Variants in ATAD3B observed in about 807,000 individuals in gnomAD.
ATAD3B encodes the protein ATPase family AAA domain-containing protein 3B.
In ATAD3B, 59 loss-of-function variants were observed where a neutral mutation model predicts 70.2. The ratio of observed to expected loss-of-function variants is 0.84; its 90% confidence interval spans 0.68 to 1.04. The LOEUF is 1.04. ATAD3B is among the 50% of genes least tolerant of loss of function. ATAD3B has a pLI of 0.00. For missense variants in ATAD3B, 961 were observed against 913.4 expected (o/e 1.05, Z -0.67); for synonymous variants, 423 against 388.6 (o/e 1.09, Z -1.04).
intron 11 of ATAD3B, among the ~76,000 whole-genome samples, chr1:1,487,342 G>A (rs902529925): frequency 3.3e-5 from 5 of 151,916 alleles, no homozygotes; most frequent in South Asian, 4.2e-4. Flanking sequence ...CAAAAAATTA[G>A]CCAGGCATGG....
chr1:1,499,586 CTTTTT>C (rs71578322), downstream of ATAD3B, among the ~76,000 whole-genome samples: 322 of 65,766 alleles, frequency 4.9e-3, no homozygotes, highest in African/African-American at 0.019. Context: ...CCAAACAGCT[CTTTTT>C]TTTTTTTTTT....
chr1:1,488,125 T>G (rs748919426), intron 12 of ATAD3B, among the ~76,000 whole-genome samples: 1 of 151,928 alleles, frequency 6.6e-6, no homozygotes, highest in Non-Finnish European at 1.5e-5. Flanking sequence ...TAGTTAAGTT[T>G]TTTGTATTTT....
chr1:1,489,993 A>T, intron 13 of ATAD3B: 2 of 1,320,328 alleles, frequency 1.5e-6, no homozygotes, highest in Non-Finnish European at 1.9e-6. Flanking sequence ...ACTGCCTATC[A>T]GGCTGGGCGA....
rs1434482840 is a variant in ATAD3B at position 1,482,359 on chromosome 1, G to A, written c.680+56G>A. The A allele has an allele frequency of 2.8e-5, 43 of 1,553,330 alleles. 1 individual carries two copies. Among genetic ancestry groups the A allele is most frequent in the African/African-American group, 4.5e-5 (3 of 66,832 alleles). On this transcript the variant is annotated intron_variant, in intron 6 of 15. Coordinates refer to ENST00000673477, the MANE Select transcript of ATAD3B (RefSeq NM_031921.6). ...AGATGGAGCCCCGCAGGTGTGAGTC[G>A]CTGGTCCCAGGGCGCTCTCCAGCTC...
At chr1:1,508,298 T>TG in the ATAD3B span, among the ~76,000 whole-genome samples, 3 of 151,356 alleles carry the variant, frequency 2.0e-5, no homozygotes, top group South Asian at 6.2e-4. Flanking sequence ...TGGCGAGGGA[T>TG]GGGCGCTGGC....
chr1:1,486,071 T>C (rs1640196278), intron 9 of ATAD3B, 39 bp from the exon 10 acceptor site: 1 of 1,612,410 alleles, frequency 6.2e-7, no homozygotes, highest in Non-Finnish European at 8.5e-7. Flanking sequence ...CTTCCGTGGG[T>C]GCAGAGTGTC....
downstream of ATAD3B, among the ~76,000 whole-genome samples, chr1:1,498,031 C>G (rs1042877911): frequency 6.7e-6 from 1 of 148,150 alleles, no homozygotes; most frequent in Non-Finnish European, 1.5e-5. Context: ...ATCCAGGTGC[C>G]GTGGCTCACT....
intron 15 of ATAD3B, 66 bp downstream of exon 15, chr1:1,490,737 C>T: frequency 2.0e-6 from 3 of 1,530,882 alleles, no homozygotes; most frequent in Non-Finnish European, 2.6e-6. Flanking sequence ...CTCAGTTGCG[C>T]CAGGCCTGTC....
intron 15 of ATAD3B, among the ~76,000 whole-genome samples, chr1:1,495,202 C>G (rs1477258638): frequency 6.6e-6 from 1 of 151,984 alleles, no homozygotes; most frequent in South Asian, 2.1e-4. Context: ...CGGAAGCTGC[C>G]CTGGGTCAGC....
chr1:1,488,100 G>T (rs1168924901), intron 12 of ATAD3B, among the ~76,000 whole-genome samples, 186 bp downstream of exon 12: 1 of 151,990 alleles, frequency 6.6e-6, no homozygotes, highest in East Asian at 1.9e-4. Flanking sequence ...GATTACAGGT[G>T]TTTGCCACCA....
At chr1:1,509,310 A>G in the ATAD3B span, 250 of 1,612,152 alleles carry the variant, frequency 1.6e-4, 2 homozygotes, top group Admixed American at 1.8e-3. Context: ...CTGGCTGAAG[A>G]GGGGGAGGCC....
chr1:1,472,693 C>G lies in ATAD3B; in HGVS notation c.205+604C>G, dbSNP rs142943779. ...CACCTTCCCTAAGCTCGGGTCTCTTCCCCCAGCCTTCCTTTCCCCTGTGGC... is the reference window on the plus strand; with the variant it reads ...CACCTTCCCTAAGCTCGGGTCTCTTGCCCCAGCCTTCCTTTCCCCTGTGGC... On this transcript the variant is annotated intron_variant, in intron 1 of 15. Transcript: ENST00000673477. Among the ~76,000 whole-genome samples the G allele has an allele frequency of 5.4e-3, 818 of 152,162 alleles. 13 individuals carry two copies. Among genetic ancestry groups the G allele is most frequent in the African/African-American group, 0.018 (757 of 41,534 alleles).
Position 1,485,133 on chromosome 1 carries a change from C to T in ATAD3B, c.868C>T (p.Arg290Cys), listed in dbSNP as rs775203842. 17 of 1,610,490 alleles carry T rather than the reference C, an allele frequency of 1.1e-5. No individual in the cohort carries two copies. The highest frequency in any genetic ancestry group is 3.3e-5 in the South Asian group (3 of 90,838). Residue 290 changes from arginine (R) to cysteine (C), a missense_variant, in exon 8 of 16, where the codon CGC (arginine) becomes TGC (cysteine). Transcript: ENST00000673477. ...GCCGTCCCTAGTGAGGGAGACGTCC[C>T]GCATCACGGTGCTGGAGGCGCTGCG... ...GKPSLVRETS[R>C]ITVLEALRHP...
At chr1:1,472,111 G>GGGC (rs1553200955) in intron 1 of ATAD3B, 22 bp downstream of exon 1, 2 of 1,170,624 alleles carry the variant, frequency 1.7e-6, no homozygotes, top group African/African-American at 4.1e-5. Flanking sequence ...GGGGCGGGGC[G>GGGC]GGGCGGGCGG....
chr1:1,476,951 C>T (rs1414443012), intron 1 of ATAD3B, among the ~76,000 whole-genome samples: 4 of 152,048 alleles, frequency 2.6e-5, no homozygotes, highest in African/African-American at 7.2e-5. Context: ...AGATCACAGG[C>T]GTGCACCACC....
downstream of ATAD3B, among the ~76,000 whole-genome samples, chr1:1,502,679 T>A (rs1031756065): frequency 6.0e-4 from 91 of 150,712 alleles, no homozygotes; most frequent in Non-Finnish European, 1.1e-3. Context: ...GCCCGGCTAA[T>A]TTTTTGTATT....
the ATAD3B span, among the ~76,000 whole-genome samples, chr1:1,508,987 GCA>G: frequency 0.024 from 3,541 of 146,210 alleles, 52 homozygotes; most frequent in African/African-American, 0.061. Context: ...TTGAGCAACA[GCA>G]GTGCTGAGGA....
chr1:1,509,358 G>A, the ATAD3B span: 159 of 1,609,828 alleles, frequency 9.9e-5, no homozygotes, highest in Middle Eastern at 9.9e-4. Flanking sequence ...CTGAGTCCAT[G>A]GGGAGACCAC....
intron 2 of ATAD3B, 89 bp downstream of exon 2, chr1:1,477,439 CA>C (rs1639650804): frequency 6.3e-7 from 1 of 1,589,904 alleles, no homozygotes; most frequent in Non-Finnish European, 8.6e-7. Context: ...TGGGTAGGGC[CA>C]GGGGCGTGTA....
Sources: gnomAD v4.1 joint callset for allele counts (sites outside exome capture counted in the v4.1 genomes callset) on GRCh38, gnomAD v4.1.1 for gene constraint, MANE v1.5 for transcripts, NCBI Gene and HGNC (gene_info 2026-07-23, HGNC 2026-07-21) for gene names.